The following SNRPC variants were observed in gnomAD, a reference collection of about 807,000 sequenced individuals.
The protein encoded by SNRPC is small nuclear ribonucleoprotein polypeptide C, also known as U1 small nuclear ribonucleoprotein C.
SNRPC carries 5 observed loss-of-function variants against 20.0 expected under a neutral mutation model. The ratio of observed to expected loss-of-function variants is 0.25; its 90% confidence interval spans 0.13 to 0.53. The LOEUF is 0.53. SNRPC is among the 20% of genes least tolerant of loss of function. The probability of loss-of-function intolerance (pLI) is 0.96; values close to 1 mark genes in which losing one functional copy is unlikely to be tolerated. For missense variants in SNRPC, 112 were observed against 224.1 expected (o/e 0.50, Z 3.19); for synonymous variants, 61 against 58.7 (o/e 1.04, Z -0.18).
At chr6:34,760,801 C>T (rs569632918) in intron 2 of SNRPC, among the ~76,000 whole-genome samples, 3 of 152,034 alleles carry the variant, frequency 2.0e-5, no homozygotes, top group South Asian at 4.2e-4. Flanking sequence ...GTAATCCCAG[C>T]ACTAGGAGGC....
In SNRPC at chr6:34,762,589, T is replaced by C. The variant is rs772391019; in HGVS notation, c.52-6T>C. ...CTACGTCTGATATGATCTTTTTATT[T>C]TACAGCCATCTGTGAGAAAGACACA... On this transcript the variant is annotated splice_polypyrimidine_tract_variant and splice_region_variant and intron_variant, in intron 2 of 5. Coordinates refer to ENST00000244520, the MANE Select transcript of SNRPC (RefSeq NM_003093.3). 4.1e-6 allele frequency: 6 copies of C among 1,478,650 alleles called. No homozygotes were observed. The South Asian group carries it at 6.9e-5, about 17-fold the overall frequency. The allele number at this position is 1,478,650 out of a possible 1,614,324, so 91.6% of individuals were successfully genotyped here. A position where few individuals can be genotyped will look rare whatever the true frequency, so the allele number is the denominator to read the frequency against.
chr6:34,765,377 A>G (rs976644411), intron 3 of SNRPC, among the ~76,000 whole-genome samples: 2 of 152,146 alleles, frequency 1.3e-5, no homozygotes, highest in African/African-American at 4.8e-5. Context: ...ATTATGGAGC[A>G]AACCTCAGAC....
Position 34,762,583 on chromosome 6 carries a change from TTTA to T in SNRPC, c.52-9_52-7del, listed in dbSNP as rs1764552170. ...TTGTTTCTACGTCTGATATGATCTTTTTATTTTACAGCCATCTGTGAGAAAGAC... is the reference window on the plus strand; with the variant it reads ...TTGTTTCTACGTCTGATATGATCTTTTTTTACAGCCATCTGTGAGAAAGAC... On this transcript the variant is annotated splice_polypyrimidine_tract_variant and intron_variant, in intron 2 of 5. Coordinates refer to ENST00000244520, the MANE Select transcript of SNRPC (RefSeq NM_003093.3). 7.0e-7 allele frequency: 1 copy of T among 1,430,480 alleles called. No individual in the cohort carries two copies. 88.6% of individuals were successfully genotyped at this position (1,430,480 alleles called of 1,614,324 possible). A position where few individuals can be genotyped will look rare whatever the true frequency, so the allele number is the denominator to read the frequency against.
chr6:34,767,892 T>TTTTTTCAC lies in SNRPC; in HGVS notation c.161-16_161-15insTTTTTCAC. ...TTATTCATCTTTTTTTTTTTTTTTT[T>TTTTTTCAC]CCTCACCCTCCAAAGCGGCTGCATT... On this transcript the variant is annotated splice_polypyrimidine_tract_variant and intron_variant, in intron 3 of 5. Coordinates refer to ENST00000244520, the MANE Select transcript of SNRPC (RefSeq NM_003093.3). 6.8e-7 allele frequency: 1 copy of TTTTTTCAC among 1,472,704 alleles called. No individual in the cohort carries two copies. The highest frequency in any genetic ancestry group is 8.9e-7 in the Non-Finnish European group (1 of 1,128,100). 91.2% of individuals were successfully genotyped at this position (1,472,704 alleles called of 1,614,324 possible).
chr6:34,757,708 C>G (rs1432094434), intron 1 of SNRPC, 157 bp downstream of exon 1: 1 of 1,397,664 alleles, frequency 7.2e-7, no homozygotes, highest in African/African-American at 1.4e-5. Flanking sequence ...CTAGACACCC[C>G]ATTTTAGAGT....
At chr6:34,761,428 G>A (rs1425745246) in intron 2 of SNRPC, among the ~76,000 whole-genome samples, 2 of 151,902 alleles carry the variant, frequency 1.3e-5, no homozygotes, top group East Asian at 1.9e-4. Context: ...GTGAGCCACC[G>A]CGACTGGCTG....
chr6:34,768,570 C>A (rs989418486), intron 4 of SNRPC, among the ~76,000 whole-genome samples: 1 of 151,738 alleles, frequency 6.6e-6, no homozygotes, highest in Non-Finnish European at 1.5e-5. Context: ...TGGCTAACAT[C>A]GTGAAACCCC....
At chr6:34,769,608 T>G (rs1764660774) in intron 4 of SNRPC, among the ~76,000 whole-genome samples, 2 of 152,210 alleles carry the variant, frequency 1.3e-5, no homozygotes, top group Admixed American at 1.3e-4. Flanking sequence ...AAAACCATGT[T>G]TTCATTTTTT....
chr6:34,772,559 A>G (rs1256622156), intron 5 of SNRPC, among the ~76,000 whole-genome samples: 1 of 152,230 alleles, frequency 6.6e-6, no homozygotes, highest in East Asian at 1.9e-4. Flanking sequence ...AAGTTTGAAT[A>G]TGGTTTTCTC....
intron 2 of SNRPC, among the ~76,000 whole-genome samples, chr6:34,761,596 C>T (rs1288341385): frequency 6.9e-6 from 1 of 144,500 alleles, no homozygotes; most frequent in Non-Finnish European, 1.5e-5. Flanking sequence ...TCTTGGCTCA[C>T]TGCAAGCTCC....
At chr6:34,764,587 C>T (rs1380381767) in intron 3 of SNRPC, among the ~76,000 whole-genome samples, 1 of 152,040 alleles carries the variant, frequency 6.6e-6, no homozygotes, top group Non-Finnish European at 1.5e-5. Context: ...CGCTCAAACC[C>T]AGGAAGCGGA....
At chr6:34,757,600 C>A in intron 1 of SNRPC, 49 bp downstream of exon 1, 1 of 1,589,012 alleles carries the variant, frequency 6.3e-7, no homozygotes, top group Non-Finnish European at 8.6e-7. Flanking sequence ...CTAGTTGTGG[C>A]CCCCATGCAG....
rs753780788 is a variant in SNRPC at position 34,757,602 on chromosome 6, C to G, written c.8+51C>G. ...GTGATCGTAGTCACTAGTTGTGGCC[C>G]CCATGCAGGAGCGGAGAGCGGGTTC... On this transcript the variant is annotated intron_variant, in intron 1 of 5. Transcript: ENST00000244520. 57 of 1,587,466 alleles carry G rather than the reference C, an allele frequency of 3.6e-5. No individual in the cohort carries two copies. The Admixed American group carries it at 5.7e-4, about 16-fold the overall frequency.
intron 3 of SNRPC, among the ~76,000 whole-genome samples, chr6:34,764,449 C>T (rs550923685): frequency 1.3e-5 from 2 of 151,450 alleles, no homozygotes; most frequent in South Asian, 4.2e-4. Context: ...GCATTCCAGC[C>T]TGGGCAACAA....
intron 3 of SNRPC, among the ~76,000 whole-genome samples, chr6:34,766,494 C>G (rs948158744): frequency 6.6e-6 from 1 of 152,206 alleles, no homozygotes; most frequent in African/African-American, 2.4e-5. Flanking sequence ...CCACTGCACT[C>G]GGCTTGAATA....
At chr6:34,758,352 G>C (rs1028648247) in intron 2 of SNRPC, among the ~76,000 whole-genome samples, 1 of 151,514 alleles carries the variant, frequency 6.6e-6, no homozygotes, top group Non-Finnish European at 1.5e-5. Flanking sequence ...TTTCGCTCTT[G>C]TTGCCCTGGC....
Position 34,773,413 on chromosome 6 carries a change from C to G in SNRPC, c.356-33C>G. The stretch of plus-strand genomic sequence containing the variant: ...TCCCTAAATCGTATTTTCTGACTCC[C>G]TTTTTCTCCCTCTTCTTTGTTTTGT... On this transcript the variant is annotated intron_variant, in intron 5 of 5. Transcript: ENST00000244520. The surrounding 1 kb of genome is among the most constrained non-coding windows in gnomAD (Gnocchi z 4.1). 6.2e-7 allele frequency: 1 copy of G among 1,604,154 alleles called. No individual in the cohort carries two copies. Among genetic ancestry groups the G allele is most frequent in the East Asian group, 2.2e-5 (1 of 44,740 alleles).
In SNRPC at chr6:34,773,027, C is replaced by T. The variant is rs1764708710; in HGVS notation, c.356-419C>T. On this transcript the variant is annotated intron_variant, in intron 5 of 5. Transcript: ENST00000244520. The surrounding 1 kb of genome is among the most constrained non-coding windows in gnomAD (Gnocchi z 4.1). Reference sequence around the variant, plus strand: ...TTAGTGGTAAGATTGTCCTCTGTGCCTGTGTACATTCATGAAATAGCTCCT... The same window carrying T: ...TTAGTGGTAAGATTGTCCTCTGTGCTTGTGTACATTCATGAAATAGCTCCT... The T allele has an allele frequency of 6.1e-6, 1 of 165,018 alleles. No homozygotes were observed. The allele number at this position is 165,018 out of a possible 1,614,324, so 10.2% of individuals were successfully genotyped here.
intron 5 of SNRPC, 89 bp downstream of exon 5, chr6:34,770,484 G>A (rs1367998043): frequency 3.7e-6 from 3 of 817,780 alleles, no homozygotes; most frequent in Non-Finnish European, 6.1e-6. Flanking sequence ...GTCAGTATGT[G>A]TAGCCAAAGC....
Sources: gnomAD v4.1 joint callset for allele counts (sites outside exome capture counted in the v4.1 genomes callset) on GRCh38, gnomAD v4.1.1 for gene constraint, Gnocchi (gnomAD v3.1) non-coding constraint, MANE v1.5 for transcripts, NCBI Gene and HGNC (gene_info 2026-07-23, HGNC 2026-07-21) for gene names.